The following ABCC4 variants were observed in gnomAD, a reference collection of about 807,000 sequenced individuals.
ABCC4 encodes ATP-binding cassette sub-family C member 4.
ABCC4 carries 102 observed loss-of-function variants against 168.5 expected under a neutral mutation model. That is an observed-to-expected ratio of 0.61 (90% confidence interval 0.52 to 0.71). ABCC4 has a LOEUF of 0.71. ABCC4 is among the 30% of genes least tolerant of loss of function. ABCC4 has a pLI of 0.00. For synonymous variants in ABCC4, 617 were observed against 590.7 expected (o/e 1.04, Z -0.65); for missense variants, 1,402 against 1,605.8 (o/e 0.87, Z 2.17).
intron 1 of ABCC4, among the ~76,000 whole-genome samples, chr13:95,278,052 G>A (rs1289103222): frequency 2.0e-5 from 3 of 152,158 alleles, no homozygotes; most frequent in Admixed American, 6.6e-5. Context: ...CTACCCCACC[G>A]CGGTCAACCC....
intron 4 of ABCC4, among the ~76,000 whole-genome samples, chr13:95,232,402 G>A (rs1382980949): frequency 6.6e-6 from 1 of 152,106 alleles, no homozygotes; most frequent in Non-Finnish European, 1.5e-5. Context: ...AAATGGGCTG[G>A]GTGCGGTGGC....
At chr13:95,126,987 CTA>C (rs1161065586) in intron 19 of ABCC4, among the ~76,000 whole-genome samples, 1 of 151,412 alleles carries the variant, frequency 6.6e-6, no homozygotes, top group East Asian at 1.9e-4. Context: ...AGAAATATTA[CTA>C]TGATTCTTAT....
chr13:95,068,924 T>C (rs1448213158), intron 25 of ABCC4, among the ~76,000 whole-genome samples: 2 of 152,234 alleles, frequency 1.3e-5, no homozygotes, highest in Admixed American at 6.5e-5. Flanking sequence ...CTGAGAAACC[T>C]TGCTTTCAGC....
chr13:95,185,056 T>C (rs2038014505), intron 11 of ABCC4, among the ~76,000 whole-genome samples: 1 of 152,174 alleles, frequency 6.6e-6, no homozygotes, highest in Non-Finnish European at 1.5e-5. Flanking sequence ...TGAAGTATAG[T>C]AATTATTTTA....
intron 1 of ABCC4, among the ~76,000 whole-genome samples, chr13:95,269,672 C>T (rs911914071): frequency 3.9e-5 from 6 of 151,936 alleles, no homozygotes; most frequent in Non-Finnish European, 8.8e-5. Context: ...GTATAATATT[C>T]TGTATCTGCT....
At chr13:95,189,124 C>CTTTTTTTT (rs61449462) in intron 9 of ABCC4, among the ~76,000 whole-genome samples, 1 of 67,266 alleles carries the variant, frequency 1.5e-5, no homozygotes, top group Non-Finnish European at 2.6e-5. Context: ...AAACAATATT[C>CTTTTTTTT]TTTTTTTTTT....
chr13:95,037,466 G>A (rs1315484457), intron 29 of ABCC4, among the ~76,000 whole-genome samples: 1 of 152,214 alleles, frequency 6.6e-6, no homozygotes, highest in Non-Finnish European at 1.5e-5. Context: ...GCAAGAAACA[G>A]TCTATCAAGA....
chr13:95,201,753 A>G (rs757421331), intron 8 of ABCC4, among the ~76,000 whole-genome samples: 2 of 152,212 alleles, frequency 1.3e-5, no homozygotes, highest in Non-Finnish European at 2.9e-5. Context: ...CGGGTGGATC[A>G]CTTGAGGTCA....
chr13:95,222,786 T>A (rs1215326779), intron 4 of ABCC4, among the ~76,000 whole-genome samples: 1 of 151,898 alleles, frequency 6.6e-6, no homozygotes, highest in East Asian at 1.9e-4. Flanking sequence ...GAGAAATAAT[T>A]CTCAAACAGG....
At chr13:95,285,477 G>A (rs972711882) in intron 1 of ABCC4, among the ~76,000 whole-genome samples, 59 of 152,052 alleles carry the variant, frequency 3.9e-4, no homozygotes, top group African/African-American at 1.4e-3. Context: ...TTGAACCCAG[G>A]AGGCAGAGGT....
chr13:95,225,968 T>A (rs1337548150), intron 4 of ABCC4, among the ~76,000 whole-genome samples: 7 of 117,802 alleles, frequency 5.9e-5, no homozygotes, highest in South Asian at 3.0e-4. Context: ...CATCTCCACT[T>A]AAAAAAAAAA....
intron 19 of ABCC4, among the ~76,000 whole-genome samples, chr13:95,124,713 G>GAAAAAAAAAAAAAAAA (rs59665124): frequency 1.7e-5 from 1 of 59,210 alleles, no homozygotes; most frequent in African/African-American, 8.1e-5. Flanking sequence ...TACTAAAAAC[G>GAAAAAAAAAAAAAAAA]AAAAAAAAAA....
chr13:95,037,082 T>C (rs1441099896), intron 29 of ABCC4, among the ~76,000 whole-genome samples: 4 of 7,262 alleles, frequency 5.5e-4, no homozygotes, highest in African/African-American at 1.3e-3. Context: ...AGACTCTGTG[T>C]CCAAAAAAAA....
chr13:95,119,418 A>G (rs1039673202), intron 19 of ABCC4, among the ~76,000 whole-genome samples: 1 of 152,232 alleles, frequency 6.6e-6, no homozygotes, highest in African/African-American at 2.4e-5. Context: ...TTATGAGCAC[A>G]CTAAAATTTT....
chr13:95,097,775 T>A (rs1424840986), intron 20 of ABCC4, among the ~76,000 whole-genome samples: 1 of 148,276 alleles, frequency 6.7e-6, no homozygotes, highest in Non-Finnish European at 1.5e-5. Context: ...AAAAAAAAAA[T>A]CCCTAAATCT....
chr13:95,157,088 C>CCACACACACACACACACACACACA (rs67671921), intron 19 of ABCC4, among the ~76,000 whole-genome samples: 14 of 134,704 alleles, frequency 1.0e-4, no homozygotes, highest in African/African-American at 4.2e-4. Context: ...TGAGACTCTA[C>CCACACACACACACACACACACACA]CACACACACA....
At chr13:95,078,872 A>G (rs1159939888) in intron 21 of ABCC4, among the ~76,000 whole-genome samples, 1 of 152,154 alleles carries the variant, frequency 6.6e-6, no homozygotes, top group Non-Finnish European at 1.5e-5. Context: ...AAATTCTTCA[A>G]CATAGCTATT....
intron 19 of ABCC4, among the ~76,000 whole-genome samples, chr13:95,141,800 G>A (rs558383295): frequency 1.1e-4 from 16 of 152,278 alleles, no homozygotes; most frequent in Non-Finnish European, 2.9e-5. Context: ...GGGGTCTTAC[G>A]ATGCTGACCA....
At chr13:95,156,890 C>T (rs1392846493) in intron 19 of ABCC4, among the ~76,000 whole-genome samples, 2 of 152,114 alleles carry the variant, frequency 1.3e-5, no homozygotes, top group Middle Eastern at 3.4e-3. Flanking sequence ...GTCAAGAGTT[C>T]GAGATCAGCT....
Sources: gnomAD v4.1 joint callset for allele counts (sites outside exome capture counted in the v4.1 genomes callset) on GRCh38, gnomAD v4.1.1 for gene constraint, MANE v1.5 for transcripts, NCBI Gene and HGNC (gene_info 2026-07-23, HGNC 2026-07-21) for gene names.